PLXNA4: variants seen among roughly 807,000 people sequenced by gnomAD.
The protein encoded by PLXNA4 is plexin-A4.
PLXNA4 carries 44 observed loss-of-function variants against 191.8 expected under a neutral mutation model. The observed-to-expected ratio is 0.23, with a 90% CI of 0.18 to 0.29. PLXNA4 has a LOEUF of 0.29. PLXNA4 is among the 10% of genes least tolerant of loss of function. The pLI is 1.00. For synonymous variants in PLXNA4, 1,082 were observed against 1,009.5 expected (o/e 1.07, Z -1.36); for missense variants, 1,800 against 2,488.8 (o/e 0.72, Z 5.89).
In PLXNA4 at chr7:132,145,234, G is replaced by A; in HGVS notation, c.5110C>T (p.His1704Tyr). ...GCCAGGGGCAGGGCAGAGCCACGGT[G>A]TGCCGTGCTGAAGATGGTCTCAAAG... ...DLFETIFSTA[H>Y]RGSALPLAIK... is the part of the protein sequence containing the mutation. Residue 1704 changes from histidine (H) to tyrosine (Y), a missense_variant, in exon 29 of 32, where the codon CAC (histidine) becomes TAC (tyrosine). This residue lies in a region of PLXNA4 where 101 missense variants were observed against 182.8 expected (regional missense o/e 0.55). Transcript: ENST00000321063. The A allele has an allele frequency of 6.2e-7, 1 of 1,614,238 alleles. No homozygotes were observed. Among genetic ancestry groups the A allele is most frequent in the Non-Finnish European group, 8.5e-7 (1 of 1,180,038 alleles).
chr7:132,133,086 G>A lies in PLXNA4; in HGVS notation c.5552C>T (p.Ser1851Leu), dbSNP rs1314157624. The stretch of plus-strand genomic sequence containing the variant: ...TTTGCCCACATAGGAGAAGATCTCT[G>A]AGAGTGCACTCATGGTGTTGAACTC... ...MNEFNTMSALSEIFSYVGKYS... is the reference protein window; with the variant it reads ...MNEFNTMSALLEIFSYVGKYS... The change falls in exon 31 of 32, where the codon TCA (serine) becomes TTA (leucine). Residue 1851 changes from serine (S) to leucine (L), a missense_variant. This residue lies in a region of PLXNA4 where 83 missense variants were observed against 81.6 expected (regional missense o/e 1.02). Transcript: ENST00000321063. 2 of 1,614,186 alleles carry A rather than the reference G, an allele frequency of 1.2e-6. No individual in the cohort carries two copies. The highest frequency in any genetic ancestry group is 2.2e-5 in the South Asian group (2 of 91,078).
chr7:132,162,560 C>T (rs555042722), intron 24 of PLXNA4, among the ~76,000 whole-genome samples: 8 of 152,182 alleles, frequency 5.3e-5, no homozygotes, highest in East Asian at 1.9e-4. Flanking sequence ...GGGAGTGGAA[C>T]GGGGGAGACA....
At chr7:132,348,709 C>A (rs1265387264) in intron 3 of PLXNA4, among the ~76,000 whole-genome samples, 1 of 152,146 alleles carries the variant, frequency 6.6e-6, no homozygotes, top group Non-Finnish European at 1.5e-5. Flanking sequence ...GTGGGGGCAA[C>A]CCCAGTCCCT....
chr7:132,586,610 G>A (rs145799980), intron 2 of PLXNA4, among the ~76,000 whole-genome samples: 2,846 of 152,170 alleles, frequency 0.019, 82 homozygotes, highest in African/African-American at 0.056. Flanking sequence ...ACAATTAGCC[G>A]GGCATCGTGG....
chr7:132,636,247 G>C (rs894373435), intron 2 of PLXNA4, among the ~76,000 whole-genome samples: 1 of 152,244 alleles, frequency 6.6e-6, no homozygotes, highest in Non-Finnish European at 1.5e-5. Context: ...TCAGCCAAGA[G>C]GCTTCTGGGA....
intron 3 of PLXNA4, among the ~76,000 whole-genome samples, chr7:132,461,015 G>A (rs1429074633): frequency 1.3e-5 from 2 of 151,922 alleles, no homozygotes; most frequent in Non-Finnish European, 2.9e-5. Context: ...TTTACCAAAA[G>A]GAAAAAAGAA....
At chr7:132,227,383 T>A in intron 7 of PLXNA4, 68 bp downstream of exon 7, 9 of 1,597,148 alleles carry the variant, frequency 5.6e-6, no homozygotes, top group Non-Finnish European at 7.7e-6. Context: ...CCCCCACATC[T>A]GTCCTGAGTT....
chr7:132,335,317 C>A (rs1802774494), intron 3 of PLXNA4, among the ~76,000 whole-genome samples: 1 of 152,172 alleles, frequency 6.6e-6, no homozygotes, highest in Non-Finnish European at 1.5e-5. Context: ...AACAGCATCT[C>A]TTTTCTGTAA....
chr7:132,537,373 C>G (rs1447590296), intron 1 of PLXNA4, among the ~76,000 whole-genome samples: 1 of 152,250 alleles, frequency 6.6e-6, no homozygotes. Context: ...GTGGAATTAA[C>G]AATCTAATGA....
intron 26 of PLXNA4, 107 bp downstream of exon 26, chr7:132,148,436 A>G (rs553903502): frequency 2.4e-5 from 36 of 1,472,074 alleles, no homozygotes; most frequent in Non-Finnish European, 3.2e-5. Flanking sequence ...GGGAACATGG[A>G]GTGCTGGTGA....
chr7:132,570,132 C>T (rs1801910029), intron 1 of PLXNA4, among the ~76,000 whole-genome samples: 1 of 152,164 alleles, frequency 6.6e-6, no homozygotes, highest in African/African-American at 2.4e-5. Flanking sequence ...GCTTTACACC[C>T]AGGGTTTTGC....
chr7:132,125,002 T>TATA lies in PLXNA4; in HGVS notation c.*5476_*5477insTAT, dbSNP rs66460579. 6 of 151,630 alleles carry TATA rather than the reference T, an allele frequency of 4.0e-5. No individual in the cohort carries two copies. The South Asian group carries it at 1.0e-3, about 26-fold the overall frequency. 9.4% of individuals were successfully genotyped at this position (151,630 alleles called of 1,614,324 possible). On this transcript the variant is annotated 3_prime_UTR_variant, in exon 32 of 32. Transcript: ENST00000321063. ...TTTAAAACTTGGATACTCCCTCTAA[T>TATA]AAAATAATTTTATGGGGGAGCAAAA...
intron 22 of PLXNA4, 151 bp from the exon 23 acceptor site, chr7:132,165,351 G>T: frequency 8.0e-7 from 1 of 1,248,832 alleles, no homozygotes; most frequent in Non-Finnish European, 1.1e-6. Context: ...TAATGAATAT[G>T]AGAGTTTCAT....
chr7:132,229,758 C>A (rs1798460339), intron 5 of PLXNA4, among the ~76,000 whole-genome samples: 1 of 151,842 alleles, frequency 6.6e-6, no homozygotes, highest in African/African-American at 2.4e-5. Flanking sequence ...GGGGAGGGAG[C>A]CTTGGAGAGG....
At position 132,541,434 on chromosome 7, in the gene PLXNA4, T is replaced by G. The variant is rs533766367; in HGVS notation, c.-86-32655A>C. Among the ~76,000 whole-genome samples, 3 of 152,358 alleles carry G rather than the reference T, an allele frequency of 2.0e-5. No individual in the cohort carries two copies. In the South Asian group the frequency reaches 6.2e-4, roughly 32 times the overall value. ...TGCTCTGGACAATTCCTGCTTCAAC[T>G]TTACTGGCCCCAGGTCATATTTTGT... On this transcript the variant is annotated intron_variant, in intron 1 of 31. Coordinates refer to ENST00000321063, the MANE Select transcript of PLXNA4 (RefSeq NM_020911.2).
At chr7:132,260,832 C>T (rs1799615043) in intron 4 of PLXNA4, among the ~76,000 whole-genome samples, 1 of 151,960 alleles carries the variant, frequency 6.6e-6, no homozygotes, top group Non-Finnish European at 1.5e-5. Context: ...TTGTCCAAAC[C>T]CATAGGATGT....
At chr7:132,151,844 G>A (rs982682424) in intron 25 of PLXNA4, among the ~76,000 whole-genome samples, 4 of 152,136 alleles carry the variant, frequency 2.6e-5, no homozygotes, top group African/African-American at 9.6e-5. Flanking sequence ...TATAACTGGC[G>A]GGCAGCCCCA....
At chr7:132,518,979 G>C (rs1799058920) in intron 1 of PLXNA4, among the ~76,000 whole-genome samples, 1 of 152,190 alleles carries the variant, frequency 6.6e-6, no homozygotes, top group African/African-American at 2.4e-5. Flanking sequence ...AGCCCCATGT[G>C]AAACTCTCCA....
rs776109894 is a variant in PLXNA4 at position 132,508,355 on chromosome 7, A to G, written c.339T>C (p.Asn113=). ...AGTCTATGAGGAGCATCTTGTTGACATTGTTGGTGGTGGTCAGGGGCTCAT... is the reference window on the plus strand; with the variant it reads ...AGTCTATGAGGAGCATCTTGTTGACGTTGTTGGTGGTGGTCAGGGGCTCAT... ...TCNEPLTTTN[N]VNKMLLIDYK... The change falls in exon 2 of 32, where the codon AAT becomes AAC. Residue 113 remains asparagine (N), a synonymous_variant. Coordinates refer to ENST00000321063, the MANE Select transcript of PLXNA4 (RefSeq NM_020911.2). The surrounding 1 kb of genome is among the most constrained non-coding windows in gnomAD (Gnocchi z 4.4). The G allele has an allele frequency of 3.1e-5, 50 of 1,613,970 alleles. No individual in the cohort carries two copies. The highest frequency in any genetic ancestry group is 3.8e-5 in the Non-Finnish European group (45 of 1,180,038).
Sources: allele counts gnomAD v4.1 joint callset (sites outside exome capture counted in the v4.1 genomes callset), GRCh38; gene constraint gnomAD v4.1.1; regional missense constraint gnomAD v4.1.1; non-coding constraint Gnocchi (gnomAD v3.1); transcripts MANE v1.5; gene names NCBI Gene and HGNC (gene_info 2026-07-23, HGNC 2026-07-21).